The following GBA2 variants were observed in gnomAD, a reference collection of about 807,000 sequenced individuals.
The protein encoded by GBA2 is non-lysosomal glucosylceramidase.
GBA2 carries 79 observed loss-of-function variants against 112.9 expected under a neutral mutation model. The ratio of observed to expected loss-of-function variants is 0.70; its 90% CI spans 0.58 to 0.84. GBA2 has a LOEUF of 0.84. GBA2 is among the 40% of genes least tolerant of loss of function. The pLI, the probability that GBA2 is intolerant of heterozygous loss-of-function variation, is 0.00. For synonymous variants in GBA2, 403 were observed against 434.3 expected (o/e 0.93, Z 0.90); for missense variants, 1,043 against 1,190.0 (o/e 0.88, Z 1.82).
At position 35,738,294 on chromosome 9, in the gene GBA2, T is replaced by C; in HGVS notation, c.2135A>G (p.Gln712Arg). The change falls in exon 14 of 17, where the codon CAG becomes CGG. Residue 712 changes from glutamine (Q) to arginine (R), a missense_variant. By Grantham distance (43) the Gln-to-Arg change is conservative. Transcript: ENST00000378103. ...MAALCGAQDI[Q>R]DKFSSILSRG... Reference sequence around the variant, plus strand: ...GCTGAGGATAGAAGAAAACTTATCCTGGATGTCCTGTGCCCCACACAGAGC... The same window carrying C: ...GCTGAGGATAGAAGAAAACTTATCCCGGATGTCCTGTGCCCCACACAGAGC... 1 of 1,614,168 alleles carries C rather than the reference T, an allele frequency of 6.2e-7. No individual in the cohort carries two copies. Among genetic ancestry groups the C allele is most frequent in the Non-Finnish European group, 8.5e-7 (1 of 1,179,996 alleles).
rs967354148 is a variant in GBA2, at chr9:35,749,035, CAGGCACCGCCCCGGGACGGGCCCGCA to C, written c.-357_-332del. ...GGGAGGAGCCGCGGGGCCAGCCCAC[CAGGCACCGCCCCGGGACGGGCCCGCA>C]AGGCACCGCCCCCGGGACCTCGGCC... is the stretch of plus-strand genomic sequence containing the variant. On this transcript the variant is annotated 5_prime_UTR_variant, in exon 1 of 17. Coordinates refer to ENST00000378103, the MANE Select transcript of GBA2 (RefSeq NM_020944.3). The surrounding 1 kb of genome is among the most constrained non-coding windows in gnomAD (Gnocchi z 4.4). 5.6e-4 allele frequency: 117 copies of C among 209,842 alleles called. No homozygotes were observed. Among genetic ancestry groups the C allele is most frequent in the African/African-American group, 1.9e-3 (83 of 43,090 alleles). 13.0% of individuals were successfully genotyped at this position (209,842 alleles called of 1,614,324 possible).
chr9:35,743,795 G>A (rs932596626), intron 3 of GBA2, among the ~76,000 whole-genome samples: 13 of 152,296 alleles, frequency 8.5e-5, no homozygotes, highest in African/African-American at 3.1e-4. Flanking sequence ...TGGGAGAGAA[G>A]GAGCTTTTTA....
chr9:35,739,069 G>A lies in GBA2; in HGVS notation c.1728C>T (p.Tyr576=), dbSNP rs1229077955. The part of the protein sequence containing the change: ...TLREDLTRRR[Y]LMSGVMAPVK... The stretch of plus-strand genomic sequence containing the variant: ...CAGGTGCCATCACCCCACTCATCAG[G>A]TACCGTCGCCGTGTCAGGTCCTCCC... The change falls in exon 11 of 17, where the codon TAC becomes TAT. Residue 576 remains tyrosine, a synonymous_variant. Transcript: ENST00000378103. 6.2e-7 allele frequency: 1 copy of A among 1,613,298 alleles called. No homozygotes were observed.
Position 35,741,970 on chromosome 9 carries a change from T to G in GBA2, c.568-80A>C. On this transcript the variant is annotated intron_variant, in intron 3 of 16. Coordinates refer to ENST00000378103, the MANE Select transcript of GBA2 (RefSeq NM_020944.3). The surrounding 1 kb of genome is among the most constrained non-coding windows in gnomAD (Gnocchi z 4.6). ...TCTTCCCTCTCCTCAAATCAGCTCC[T>G]CCCCTTTCAGAGCCTGCAACTGTTA... 1.1e-6 allele frequency: 1 copy of G among 923,598 alleles called. No individual in the cohort carries two copies. Among genetic ancestry groups the G allele is most frequent in the Non-Finnish European group, 1.7e-6 (1 of 576,766 alleles). The allele number at this position is 923,598 out of a possible 1,614,324, so 57.2% of individuals were successfully genotyped here.
Position 35,738,045 on chromosome 9 carries a change from C to T in GBA2, c.2305G>A (p.Asp769Asn). 1 of 1,607,910 alleles carries T rather than the reference C, an allele frequency of 6.2e-7. No homozygotes were observed. The highest frequency in any genetic ancestry group is 1.3e-5 in the African/African-American group (1 of 74,808). ...FLKACGLGEGDTEVFPTQHVV... is the reference protein window; with the variant it reads ...FLKACGLGEGNTEVFPTQHVV... ...TCCTCCTCCTCTCTCACCTCAGTGTCTCCTTCTCCTAGGCCACAGGCCTTC... is the reference window on the plus strand; with the variant it reads ...TCCTCCTCCTCTCTCACCTCAGTGTTTCCTTCTCCTAGGCCACAGGCCTTC... Residue 769 changes from aspartate (D) to asparagine (N), a missense_variant, in exon 15 of 17, where the codon GAC (aspartate) becomes AAC (asparagine). Transcript: ENST00000378103.
rs945169716 is a variant in GBA2, at chr9:35,736,955, G to A, written c.*214C>T. 17 of 796,310 alleles carry A rather than the reference G, an allele frequency of 2.1e-5. No homozygotes were observed. The African/African-American group carries it at 2.4e-4, about 11-fold the overall frequency. The allele number at this position is 796,310 out of a possible 1,614,324, so 49.3% of individuals were successfully genotyped here. ...CAACTGACCTCCCTGAACATTTCAC[G>A]CAGTCAGGGAACAGGTGAGGAAAGA... On this transcript the variant is annotated 3_prime_UTR_variant, in exon 17 of 17. Coordinates refer to ENST00000378103, the MANE Select transcript of GBA2 (RefSeq NM_020944.3).
Position 35,736,890 on chromosome 9 carries a change from A to C in GBA2, c.*279T>G. ...ATGGCTTTCTGGGTCTTTTATTTGT[A>C]CCCATGTGTCTGTCACACCATGAAT... On this transcript the variant is annotated 3_prime_UTR_variant, in exon 17 of 17. Coordinates refer to ENST00000378103, the MANE Select transcript of GBA2 (RefSeq NM_020944.3). The C allele has an allele frequency of 2.7e-6, 2 of 750,820 alleles. No individual in the cohort carries two copies. The allele number at this position is 750,820 out of a possible 1,614,324, so 46.5% of individuals were successfully genotyped here.
chr9:35,745,920 C>T (rs1448603129), intron 1 of GBA2, among the ~76,000 whole-genome samples: 2 of 152,194 alleles, frequency 1.3e-5, no homozygotes, highest in Non-Finnish European at 2.9e-5. Context: ...GTTTCCTCAT[C>T]TACAAAATGG....
rs1056970650 is a variant in GBA2, at chr9:35,741,370, C to G, written c.786+302G>C. The G allele has an allele frequency of 7.1e-5, 36 of 507,296 alleles. No homozygotes were observed. The highest frequency in any genetic ancestry group is 6.4e-4 in the South Asian group (26 of 40,868). The allele number at this position is 507,296 out of a possible 1,614,324, so 31.4% of individuals were successfully genotyped here. On this transcript the variant is annotated intron_variant, in intron 4 of 16. Transcript: ENST00000378103. This position sits in a 1 kb window ranked among gnomAD's most constrained non-coding sequence, Gnocchi z 4.6. ...GGTGCGGTGGCGCAATCTCGGCTCA[C>G]TGCAAGCTCCGCCTCCCGGGTTCAC...
At position 35,741,292 on chromosome 9, in the gene GBA2, GCTCCAAC is replaced by G; in HGVS notation, c.787-235_787-229del. 1 of 575,286 alleles carries G rather than the reference GCTCCAAC, an allele frequency of 1.7e-6. No individual in the cohort carries two copies. The highest frequency in any genetic ancestry group is 3.1e-6 in the Non-Finnish European group (1 of 326,732). 35.6% of individuals were successfully genotyped at this position (575,286 alleles called of 1,614,324 possible). Reference sequence around the variant, plus strand: ...CTGGGAAGCCAGTGTGATGTTCATGGCTCCAACCTCCCTTTCACAGGCCATGCAGTTT... The same window carrying G: ...CTGGGAAGCCAGTGTGATGTTCATGGCTCCCTTTCACAGGCCATGCAGTTT... On this transcript the variant is annotated intron_variant, in intron 4 of 16. Transcript: ENST00000378103. This position sits in a 1 kb window ranked among gnomAD's most constrained non-coding sequence, Gnocchi z 4.6.
At position 35,749,158 on chromosome 9, in the gene GBA2, G is replaced by T. The variant is rs1272682716; in HGVS notation, c.-454C>A. The T allele has an allele frequency of 3.5e-6, 1 of 283,854 alleles. No individual in the cohort carries two copies. The highest frequency in any genetic ancestry group is 1.7e-4 in the East Asian group (1 of 6,028). The allele number at this position is 283,854 out of a possible 1,614,324, so 17.6% of individuals were successfully genotyped here. A position where few individuals can be genotyped will look rare whatever the true frequency, so the allele number is the denominator to read the frequency against. ...TCCCGCCGGCCGGCTCCGGGGCAGC[G>T]CCCGCGCCCAGGTGCCAGCCCGTGG... is the stretch of plus-strand genomic sequence containing the variant. On this transcript the variant is annotated 5_prime_UTR_variant, in exon 1 of 17. Transcript: ENST00000378103. This position sits in a 1 kb window ranked among gnomAD's most constrained non-coding sequence, Gnocchi z 4.4.
In GBA2 at chr9:35,738,156, G is replaced by C; in HGVS notation, c.2198-4C>G. On this transcript the variant is annotated splice_region_variant and splice_polypyrimidine_tract_variant and intron_variant, in intron 14 of 16. Coordinates refer to ENST00000378103, the MANE Select transcript of GBA2 (RefSeq NM_020944.3). ...CTGTCATAGTTGTAATAGCGGCCTGGAGTCGAGGAAGAGAAAAATAAGGCT... is the reference window on the plus strand; with the variant it reads ...CTGTCATAGTTGTAATAGCGGCCTGCAGTCGAGGAAGAGAAAAATAAGGCT... The C allele has an allele frequency of 1.2e-6, 2 of 1,613,558 alleles. No individual in the cohort carries two copies. The highest frequency in any genetic ancestry group is 1.7e-6 in the Non-Finnish European group (2 of 1,179,450).
chr9:35,739,567 C>T, intron 9 of GBA2, 61 bp downstream of exon 9: 1 of 1,517,354 alleles, frequency 6.6e-7, no homozygotes, highest in Non-Finnish European at 9.1e-7. Context: ...CTGGGGTAGG[C>T]AAATCCATCA....
At chr9:35,739,966 G>A (rs1826541768) in intron 8 of GBA2, 32 bp downstream of exon 8, 1 of 1,612,802 alleles carries the variant, frequency 6.2e-7, no homozygotes, top group Non-Finnish European at 8.5e-7. Context: ...TGAGTGCCCA[G>A]GAGAAAGGCA....
Position 35,741,346 on chromosome 9 carries a change from G to A in GBA2, c.787-282C>T. 4 of 518,428 alleles carry A rather than the reference G, an allele frequency of 7.7e-6. No homozygotes were observed. The highest frequency in any genetic ancestry group is 1.4e-5 in the Non-Finnish European group (4 of 292,868). 32.1% of individuals were successfully genotyped at this position (518,428 alleles called of 1,614,324 possible). On this transcript the variant is annotated intron_variant, in intron 4 of 16. Transcript: ENST00000378103. This position sits in a 1 kb window ranked among gnomAD's most constrained non-coding sequence, Gnocchi z 4.6. ...GTTTCTTTTTTTTTTTTTTTGGGGG[G>A]TGCGGTGGCGCAATCTCGGCTCACT... is the stretch of plus-strand genomic sequence containing the variant.
chr9:35,741,493 G>A lies in GBA2; in HGVS notation c.786+179C>T. On this transcript the variant is annotated intron_variant, in intron 4 of 16. Coordinates refer to ENST00000378103, the MANE Select transcript of GBA2 (RefSeq NM_020944.3). The surrounding 1 kb of genome is among the most constrained non-coding windows in gnomAD (Gnocchi z 4.6). Reference sequence around the variant, plus strand: ...TTTTTGTATTTTTAGTAGATATGGGGTTTCACGTGTTAGCCAGGATGGTCT... The same window carrying A: ...TTTTTGTATTTTTAGTAGATATGGGATTTCACGTGTTAGCCAGGATGGTCT... 1 of 620,374 alleles carries A rather than the reference G, an allele frequency of 1.6e-6. No individual in the cohort carries two copies. The highest frequency in any genetic ancestry group is 2.8e-5 in the East Asian group (1 of 36,210). 38.4% of individuals were successfully genotyped at this position (620,374 alleles called of 1,614,324 possible). A position where few individuals can be genotyped will look rare whatever the true frequency, so the allele number is the denominator to read the frequency against.
At position 35,748,713 on chromosome 9, in the gene GBA2, T is replaced by G; in HGVS notation, c.-9A>C. On this transcript the variant is annotated 5_prime_UTR_variant, in exon 1 of 17. Coordinates refer to ENST00000378103, the MANE Select transcript of GBA2 (RefSeq NM_020944.3). ...GGATCCTGGGTCCCCATGACCTCGA[T>G]GGCGCCAAGTCCCGAGCCCTCGGAT... The G allele has an allele frequency of 6.7e-7, 1 of 1,501,672 alleles. No individual in the cohort carries two copies. Among genetic ancestry groups the G allele is most frequent in the East Asian group, 2.3e-5 (1 of 43,854 alleles). 93.0% of individuals were successfully genotyped at this position (1,501,672 alleles called of 1,614,324 possible).
In GBA2 at chr9:35,737,062, G is replaced by A. The variant is rs762150608; in HGVS notation, c.*107C>T. ...CAATTGGGTGGAGAGAAGGGAAGGG[G>A]TATGATTGTCCTGATGGCTCAGGGT... On this transcript the variant is annotated 3_prime_UTR_variant, in exon 17 of 17. Transcript: ENST00000378103. The surrounding 1 kb of genome is among the most constrained non-coding windows in gnomAD (Gnocchi z 4.1). 1 of 1,503,752 alleles carries A rather than the reference G, an allele frequency of 6.7e-7. No homozygotes were observed. Among genetic ancestry groups the A allele is most frequent in the Non-Finnish European group, 8.9e-7 (1 of 1,129,224 alleles). The allele number at this position is 1,503,752 out of a possible 1,614,324, so 93.2% of individuals were successfully genotyped here.
intron 3 of GBA2, among the ~76,000 whole-genome samples, chr9:35,743,042 T>G (rs1826787503): frequency 6.6e-6 from 1 of 152,244 alleles, no homozygotes. Flanking sequence ...TACAGATGAT[T>G]TAAAGTATAT....
Sources: gnomAD v4.1 joint callset for allele counts (sites outside exome capture counted in the v4.1 genomes callset) on GRCh38, gnomAD v4.1.1 for gene constraint, Gnocchi (gnomAD v3.1) non-coding constraint, MANE v1.5 for transcripts, NCBI Gene and HGNC (gene_info 2026-07-23, HGNC 2026-07-21) for gene names.